DDO: variants seen among roughly 807,000 people sequenced by gnomAD.
DDO encodes D-aspartate oxidase, also known as D-aspartate oxidase, DDO.
Under a neutral mutation model 16.8 loss-of-function variants are expected in DDO, and 16 were observed. The ratio of observed to expected loss-of-function variants is 0.95; its 90% CI spans 0.65 to 1.45. DDO has a LOEUF of 1.45. Ranked by LOEUF, DDO falls within the 40% of genes most tolerant of loss-of-function variation. DDO has a pLI of 0.00. For missense variants in DDO, 429 were observed against 420.3 expected, an observed-to-expected ratio of 1.02 and a Z score of -0.18; for synonymous variants, 180 against 167.2, an observed-to-expected ratio of 1.08 and a Z score of -0.59.
rs748740370 is a variant in DDO, at chr6:110,404,816, A to G, written c.416T>C (p.Leu139Pro). ...GAGGTAGGCAGGGCATTCACATTTC[A>G]GGGTTGTAAAAGCCTGACCAAACAC... is the stretch of plus-strand genomic sequence containing the variant. ...QYVFGQAFTT[L>P]KCECPAYLPW... The change falls in exon 4 of 5, where the codon CTG becomes CCG. Residue 139 changes from leucine to proline, a missense_variant. Coordinates refer to ENST00000368924, the MANE Select transcript of DDO (RefSeq NM_001372108.2). 3.7e-6 allele frequency: 6 copies of G among 1,614,144 alleles called. No individual in the cohort carries two copies. In the East Asian group the frequency reaches 1.3e-4, roughly 36 times the overall value.
Position 110,398,402 on chromosome 6 carries a change from A to C in DDO, c.459-5060T>G, listed in dbSNP as rs9487394. Among the ~76,000 whole-genome samples the C allele has an allele frequency of 3.6e-4, 30 of 82,510 alleles. 1 individual carries two copies. Among genetic ancestry groups the C allele is most frequent in the South Asian group, 2.7e-3 (7 of 2,634 alleles). 54.1% of individuals were successfully genotyped at this position (82,510 alleles called of 152,430 possible). A position where few individuals can be genotyped will look rare whatever the true frequency, so the allele number is the denominator to read the frequency against. The stretch of plus-strand genomic sequence containing the variant: ...AATGCGTACACACACACACACACAC[A>C]CACACACACACACACACACACACAC... On this transcript the variant is annotated intron_variant, in intron 4 of 4. Transcript: ENST00000368924.
chr6:110,411,610 A>G (rs1326063645), intron 2 of DDO, among the ~76,000 whole-genome samples: 1 of 152,126 alleles, frequency 6.6e-6, no homozygotes, highest in Non-Finnish European at 1.5e-5. Flanking sequence ...TAAAAGATAA[A>G]ACTGAGTAAG....
intron 4 of DDO, among the ~76,000 whole-genome samples, chr6:110,400,346 G>GGGGA (rs1244107952): frequency 1.3e-5 from 2 of 150,144 alleles, no homozygotes; most frequent in Admixed American, 6.6e-5. Flanking sequence ...AGCGGGCCGG[G>GGGGA]GCGGGGACTG....
At chr6:110,403,889 T>C (rs1773562184) in intron 4 of DDO, among the ~76,000 whole-genome samples, 1 of 152,252 alleles carries the variant, frequency 6.6e-6, no homozygotes, top group African/African-American at 2.4e-5. Flanking sequence ...GCCAGATATA[T>C]ATAAGCGTTC....
chr6:110,410,897 C>G (rs1773833104), intron 2 of DDO, among the ~76,000 whole-genome samples: 2 of 152,146 alleles, frequency 1.3e-5, no homozygotes, highest in South Asian at 4.2e-4. Context: ...GCTCCTGGAC[C>G]TGCAATGCCA....
chr6:110,395,710 A>G (rs1193119399), intron 4 of DDO, among the ~76,000 whole-genome samples: 3 of 152,340 alleles, frequency 2.0e-5, no homozygotes, highest in Middle Eastern at 3.4e-3. Context: ...AACTTCTGCA[A>G]TGGTGGTCAA....
At chr6:110,415,023 A>G (rs1021434188) in intron 1 of DDO, among the ~76,000 whole-genome samples, 4 of 152,222 alleles carry the variant, frequency 2.6e-5, no homozygotes, top group Non-Finnish European at 4.4e-5. Context: ...TGATATTCCT[A>G]TTCCTCGAGC....
Position 110,393,284 on chromosome 6 carries a change from G to A in DDO, c.517C>T (p.His173Tyr). Residue 173 changes from histidine (H) to tyrosine (Y), a missense_variant, in exon 5 of 5, where the codon CAT becomes TAT. Physicochemically the swap from His to Tyr is moderately conservative, Grantham distance 83 (BLOSUM62 2). Coordinates refer to ENST00000368924, the MANE Select transcript of DDO (RefSeq NM_001372108.2). ...TRRIEDLWEL[H>Y]PSFDIVVNCS... ...TTGACCACGATGTCAAAGGACGGAT[G>A]AAGTTCCCACAGGTCTTCTATTCGC... 6.2e-7 allele frequency: 1 copy of A among 1,613,616 alleles called. No homozygotes were observed. The highest frequency in any genetic ancestry group is 8.5e-7 in the Non-Finnish European group (1 of 1,179,596).
intron 3 of DDO, among the ~76,000 whole-genome samples, chr6:110,407,230 C>T (rs549862540): frequency 6.6e-6 from 1 of 152,242 alleles, no homozygotes; most frequent in African/African-American, 2.4e-5. Flanking sequence ...ATTAGACGGA[C>T]TCATGTTGGA....
chr6:110,415,030 G>A lies in DDO; in HGVS notation c.-5+437C>T, dbSNP rs796853368. On this transcript the variant is annotated intron_variant, in intron 1 of 4. Transcript: ENST00000368924. ...GTTTAGTGTGATATTCCTATTCCTCGAGCAGTCTATGCATTTCTGTGCTAA... is the reference window on the plus strand; with the variant it reads ...GTTTAGTGTGATATTCCTATTCCTCAAGCAGTCTATGCATTTCTGTGCTAA... 1.0e-3 allele frequency among the ~76,000 whole-genome samples: 158 copies of A among 152,302 alleles called. 1 individual carries two copies. Among genetic ancestry groups the A allele is most frequent in the African/African-American group, 3.4e-3 (142 of 41,556 alleles).
downstream of DDO, among the ~76,000 whole-genome samples, chr6:110,391,351 CTTTT>C (rs10683177): frequency 7.5e-6 from 1 of 133,538 alleles, no homozygotes; most frequent in Non-Finnish European, 1.6e-5. Context: ...CTCCTCAAGC[CTTTT>C]TTTTTTTTTT....
At chr6:110,389,428 A>G (rs1372912942), downstream of DDO, among the ~76,000 whole-genome samples, 1 of 152,242 alleles carries the variant, frequency 6.6e-6, no homozygotes, top group Non-Finnish European at 1.5e-5. Context: ...TTATCTGGAG[A>G]ACCCTGACTA....
rs752039896 is a variant in DDO, at chr6:110,393,014, G to T, written c.787C>A (p.Pro263Thr). The change falls in exon 5 of 5, where the codon CCC (proline) becomes ACC (threonine). Residue 263 changes from proline to threonine, a missense_variant. Physicochemically the swap from Pro to Thr is conservative, Grantham distance 38 (BLOSUM62 -1). Transcript: ENST00000368924. ...EILSRCCALE[P>T]SLHGACNIRE... ...ATGTTGCAGGCTCCGTGGAGGGAGG[G>T]CTCCAGAGCACAGCATCGGGAAAGA... is the stretch of plus-strand genomic sequence containing the variant. 1 of 1,610,468 alleles carries T rather than the reference G, an allele frequency of 6.2e-7. No individual in the cohort carries two copies. Among genetic ancestry groups the T allele is most frequent in the Non-Finnish European group, 8.5e-7 (1 of 1,176,868 alleles).
downstream of DDO, among the ~76,000 whole-genome samples, chr6:110,390,852 C>T (rs1773086651): frequency 6.6e-6 from 1 of 152,172 alleles, no homozygotes; most frequent in Non-Finnish European, 1.5e-5. Flanking sequence ...TCTGTCTAAA[C>T]TTATACATTT....
intron 4 of DDO, among the ~76,000 whole-genome samples, chr6:110,396,253 C>T (rs1773288328): frequency 1.3e-5 from 2 of 152,212 alleles, no homozygotes; most frequent in African/African-American, 4.8e-5. Flanking sequence ...TCTCTTCACA[C>T]TCCCTCCCTC....
At chr6:110,408,184 G>A in intron 3 of DDO, 150 bp downstream of exon 3, 1 of 613,822 alleles carries the variant, frequency 1.6e-6, no homozygotes, top group South Asian at 2.3e-5. Flanking sequence ...CAGTTCTTTG[G>A]GGTAAAGCCT....
At chr6:110,413,604 T>C in intron 1 of DDO, 138 bp from the exon 2 acceptor site, 1 of 805,746 alleles carries the variant, frequency 1.2e-6, no homozygotes, top group East Asian at 2.6e-5. Context: ...TCTTGTGAGA[T>C]AAAGAGGATA....
At chr6:110,406,497 T>C (rs1027753488) in intron 3 of DDO, among the ~76,000 whole-genome samples, 1 of 152,178 alleles carries the variant, frequency 6.6e-6, no homozygotes, top group Non-Finnish European at 1.5e-5. Context: ...GTTTCTACAG[T>C]CCACACCCAA....
intron 4 of DDO, among the ~76,000 whole-genome samples, chr6:110,396,507 G>A (rs959247128): frequency 6.6e-6 from 1 of 152,076 alleles, no homozygotes; most frequent in East Asian, 1.9e-4. Flanking sequence ...ACCTAAATTC[G>A]GTTGCTTTTT....
Sources: allele counts gnomAD v4.1 joint callset (sites outside exome capture counted in the v4.1 genomes callset), GRCh38; gene constraint gnomAD v4.1.1; transcripts MANE v1.5; gene names NCBI Gene and HGNC (gene_info 2026-07-23, HGNC 2026-07-21).